Variants in PTCHD1 observed in about 807,000 individuals in gnomAD.
The protein encoded by PTCHD1 is patched domain containing 1, also known as patched domain-containing protein 1.
In PTCHD1, 3 loss-of-function variants were observed where a neutral mutation model predicts 34.6. That is an observed-to-expected ratio of 0.09 (90% CI 0.04 to 0.22). The LOEUF (loss-of-function observed/expected upper bound fraction) is 0.22, where lower values mean the gene tolerates loss of function less well. Ranked by LOEUF, PTCHD1 falls within the 10% of genes least tolerant of loss-of-function variation. PTCHD1 has a pLI of 1.00. For synonymous variants in PTCHD1, 305 were observed against 283.1 expected (o/e 1.08, Z -0.77); for missense variants, 504 against 685.5 (o/e 0.74, Z 2.96).
intron 1 of PTCHD1, among the ~76,000 whole-genome samples, chrX:23,361,990 T>C (rs1361948867): frequency 8.9e-6 from 1 of 112,772 alleles, no homozygotes; most frequent in Non-Finnish European, 1.9e-5. Context: ...CACTCTCTTC[T>C]GGCTTGTAGA....
intron 2 of PTCHD1, 123 bp from the exon 3 acceptor site, chrX:23,392,408 A>G (rs1385799348): frequency 3.8e-6 from 2 of 521,853 alleles, no homozygotes; most frequent in South Asian, 2.6e-5. Context: ...GCATTTACAT[A>G]CCCGTCACCA....
upstream of PTCHD1, chrX:23,334,778 G>GCC: frequency 4.0e-6 from 1 of 249,102 alleles, no homozygotes; most frequent in South Asian, 2.0e-4. Context: ...CCGCCGCCGC[G>GCC]GGCGCCGCTG....
At chrX:23,363,087 G>A (rs1922033931) in intron 1 of PTCHD1, among the ~76,000 whole-genome samples, 1 of 112,488 alleles carries the variant, frequency 8.9e-6, no homozygotes, top group South Asian at 3.7e-4. Context: ...GTGTCTCCCA[G>A]TTAGGCTACA....
chrX:23,351,530 A>C lies in PTCHD1; in HGVS notation c.351+16304A>C, dbSNP rs1381578267. ...TAACTGACTCCATTTAAAAGTATGAAGTCAAAGAATCATGAAACCTAGGTT... is the reference window on the plus strand; with the variant it reads ...TAACTGACTCCATTTAAAAGTATGACGTCAAAGAATCATGAAACCTAGGTT... On this transcript the variant is annotated intron_variant, in intron 1 of 2. Transcript: ENST00000379361. The C allele has an allele frequency of 8.8e-6, 3 of 340,111 alleles. No homozygotes were observed. In the East Asian group the frequency reaches 1.5e-4, roughly 17 times the overall value. 28.0% of individuals were successfully genotyped at this position (340,111 alleles called of 1,213,427 possible).
At chrX:23,354,033 T>G (rs1443614810) in intron 1 of PTCHD1, among the ~76,000 whole-genome samples, 2 of 111,438 alleles carry the variant, frequency 1.8e-5, no homozygotes, top group African/African-American at 3.3e-5. Flanking sequence ...CACCAAGAGA[T>G]TCTGATTTAA....
At chrX:23,356,760 T>C (rs1181509205) in intron 1 of PTCHD1, among the ~76,000 whole-genome samples, 1 of 111,944 alleles carries the variant, frequency 8.9e-6, no homozygotes, top group Non-Finnish European at 1.9e-5. Context: ...AGGACAAATA[T>C]GGGATTTCCA....
At chrX:23,343,221 G>A (rs934893715) in intron 1 of PTCHD1, among the ~76,000 whole-genome samples, 2 of 112,606 alleles carry the variant, frequency 1.8e-5, no homozygotes, top group African/African-American at 6.4e-5. Flanking sequence ...TTTCAAACTT[G>A]TTGATAAGCA....
At chrX:23,357,883 C>T (rs1456298919) in intron 1 of PTCHD1, among the ~76,000 whole-genome samples, 1 of 111,041 alleles carries the variant, frequency 9.0e-6, no homozygotes, top group Admixed American at 9.6e-5. Context: ...TTATTTAATT[C>T]CCACCTATGA....
chrX:23,356,793 G>C (rs571827619), intron 1 of PTCHD1, among the ~76,000 whole-genome samples: 1 of 111,726 alleles, frequency 9.0e-6, no homozygotes, highest in Non-Finnish European at 1.9e-5. Flanking sequence ...AAACCATCAC[G>C]CACTTCACAA....
intron 1 of PTCHD1, among the ~76,000 whole-genome samples, chrX:23,350,672 G>A (rs1431530379): frequency 9.0e-6 from 1 of 111,369 alleles, no homozygotes; most frequent in Non-Finnish European, 1.9e-5. Context: ...CATGGAGGTG[G>A]AATTCATTGC....
chrX:23,388,239 TG>T (rs1922732853), intron 2 of PTCHD1, among the ~76,000 whole-genome samples: 1 of 111,367 alleles, frequency 9.0e-6, no homozygotes, highest in African/African-American at 3.3e-5. Flanking sequence ...TGAACAGACT[TG>T]GGACTTTGGA....
rs569972032 is a variant in PTCHD1, at chrX:23,362,666, G to A, written c.352-16925G>A. Among the ~76,000 whole-genome samples the A allele has an allele frequency of 2.2e-4, 25 of 112,117 alleles. No individual in the cohort carries two copies. In the South Asian group the frequency reaches 7.9e-3, roughly 35 times the overall value. On this transcript the variant is annotated intron_variant, in intron 1 of 2. Coordinates refer to ENST00000379361, the MANE Select transcript of PTCHD1 (RefSeq NM_173495.3). Reference sequence around the variant, plus strand: ...GTTGTTCTCCGTCCAGCTTTGTTCCGTTGCGGGTGAGGAGCTGTGATCCTT... The same window carrying A: ...GTTGTTCTCCGTCCAGCTTTGTTCCATTGCGGGTGAGGAGCTGTGATCCTT...
At chrX:23,340,504 A>T (rs935920274) in intron 1 of PTCHD1, among the ~76,000 whole-genome samples, 9 of 112,324 alleles carry the variant, frequency 8.0e-5, no homozygotes, top group African/African-American at 2.6e-4. Context: ...AGCATCAGTC[A>T]GCAGCAGTCG....
rs1209048496 is a variant in PTCHD1 at position 23,393,933 on chromosome X, T to C, written c.2415T>C (p.Tyr805=). 1 of 1,211,025 alleles carries C rather than the reference T, an allele frequency of 8.3e-7. No homozygotes were observed. Among genetic ancestry groups the C allele is most frequent in the East Asian group, 3.0e-5 (1 of 33,840 alleles). ...GVAILQSYLC[Y]IVGLIPLAAV... is the part of the protein sequence containing the mutation. ...CTATTTTACAGAGTTACCTCTGCTA[T>C]ATTGTTGGTCTGATTCCTCTTGCAG... Residue 805 remains tyrosine, a synonymous_variant, in exon 3 of 3, where the codon TAT becomes TAC. Transcript: ENST00000379361.
chrX:23,364,385 C>CAA (rs1922076660), intron 1 of PTCHD1, among the ~76,000 whole-genome samples: 2 of 81,405 alleles, frequency 2.5e-5, no homozygotes, highest in South Asian at 1.3e-3. Flanking sequence ...CACACACACA[C>CAA]ACACACACAC....
chrX:23,390,628 C>A (rs181954666), intron 2 of PTCHD1, among the ~76,000 whole-genome samples: 37 of 111,936 alleles, frequency 3.3e-4, no homozygotes, highest in Admixed American at 1.7e-3. Flanking sequence ...AATTGACAGT[C>A]TTGACCTGAC....
At position 23,392,523 on chromosome X, in the gene PTCHD1, C is replaced by A. The variant is rs764933034; in HGVS notation, c.1013-8C>A. 1.8e-5 allele frequency: 20 copies of A among 1,138,100 alleles called. No individual in the cohort carries two copies. The highest frequency in any genetic ancestry group is 7.2e-5 in the South Asian group (4 of 55,226). 93.8% of individuals were successfully genotyped at this position (1,138,100 alleles called of 1,213,427 possible). ...AACTTCTGCTCTGGTCTTTTTCTGC[C>A]CTCTTAGGTCATGGATTATATGGGA... On this transcript the variant is annotated splice_polypyrimidine_tract_variant and splice_region_variant and intron_variant, in intron 2 of 2. Coordinates refer to ENST00000379361, the MANE Select transcript of PTCHD1 (RefSeq NM_173495.3).
rs777421184 is a variant in PTCHD1, at chrX:23,394,092, G to A, written c.2574G>A (p.Glu858=). ...CACCCTCTAAGAAAAAAAGGAAAGA[G>A]AAGAAAAATCCTGAGAACCGGGAGG... is the stretch of plus-strand genomic sequence containing the variant. ...FLPPSKKKRK[E]KKNPENREEI... is the part of the protein sequence containing the mutation. The change falls in exon 3 of 3, where the codon GAG becomes GAA. Residue 858 remains glutamate (E), a synonymous_variant. Coordinates refer to ENST00000379361, the MANE Select transcript of PTCHD1 (RefSeq NM_173495.3). The A allele has an allele frequency of 1.7e-6, 2 of 1,210,267 alleles. No homozygotes were observed. The highest frequency in any genetic ancestry group is 2.2e-6 in the Non-Finnish European group (2 of 894,853).
intron 1 of PTCHD1, 132 bp from the exon 2 acceptor site, chrX:23,379,459 C>A: frequency 1.5e-6 from 1 of 650,255 alleles, no homozygotes; most frequent in Non-Finnish European, 2.3e-6. Flanking sequence ...CACATTCCTA[C>A]TACCTATTTC....
Sources: gnomAD v4.1 joint callset for allele counts (sites outside exome capture counted in the v4.1 genomes callset) on GRCh38, gnomAD v4.1.1 for gene constraint, MANE v1.5 for transcripts, NCBI Gene and HGNC (gene_info 2026-07-23, HGNC 2026-07-21) for gene names.